The following CHL1 variants were observed in gnomAD, a reference collection of about 807,000 sequenced individuals.
CHL1 encodes neural cell adhesion molecule L1-like protein.
CHL1 carries 96 observed loss-of-function variants against 141.9 expected under a neutral mutation model. The observed-to-expected ratio is 0.68, with a 90% CI of 0.57 to 0.80. CHL1 has a LOEUF of 0.80. Ranked by LOEUF, CHL1 falls within the 30% of genes least tolerant of loss-of-function variation. The pLI, the probability that CHL1 is intolerant of heterozygous loss-of-function variation, is 0.00. For missense variants in CHL1, 1,820 were observed against 1,457.2 expected (o/e 1.25, Z -4.05); for synonymous variants, 613 against 502.2 (o/e 1.22, Z -2.95).
chr3:356,143 T>C (rs1215266696), intron 11 of CHL1, among the ~76,000 whole-genome samples: 1 of 152,110 alleles, frequency 6.6e-6, no homozygotes, highest in Non-Finnish European at 1.5e-5. Flanking sequence ...TTTCTCTTCA[T>C]CTCTTTAGGG....
intron 2 of CHL1, among the ~76,000 whole-genome samples, chr3:255,968 C>T (rs1694121003): frequency 6.6e-6 from 1 of 152,176 alleles, no homozygotes; most frequent in Non-Finnish European, 1.5e-5. Context: ...CTTACCTTGC[C>T]TACTTCCACA....
intron 23 of CHL1, 23 bp downstream of exon 23, chr3:391,820 G>A (rs201375090): frequency 6.4e-7 from 1 of 1,553,086 alleles, no homozygotes; most frequent in African/African-American, 1.4e-5. Flanking sequence ...TTGAATTGGA[G>A]TTAACTTGTT....
chr3:282,431 T>C (rs952648943), intron 2 of CHL1, among the ~76,000 whole-genome samples: 2 of 152,218 alleles, frequency 1.3e-5, no homozygotes, highest in African/African-American at 4.8e-5. Context: ...TTTCCTTTAC[T>C]AGTGTTCTTT....
intron 2 of CHL1, among the ~76,000 whole-genome samples, chr3:279,226 G>A (rs1696419929): frequency 6.6e-6 from 1 of 152,062 alleles, no homozygotes; most frequent in Non-Finnish European, 1.5e-5. Context: ...AAAGTTTTTT[G>A]ATCAAATGAT....
intron 10 of CHL1, among the ~76,000 whole-genome samples, chr3:351,023 C>A (rs1559295443): frequency 6.6e-6 from 1 of 152,092 alleles, no homozygotes; most frequent in Non-Finnish European, 1.5e-5. Flanking sequence ...ACCCACGAAC[C>A]AGACATATCT....
chr3:330,370 A>G (rs561533402), intron 5 of CHL1, among the ~76,000 whole-genome samples: 4 of 152,140 alleles, frequency 2.6e-5, no homozygotes, highest in Non-Finnish European at 5.9e-5. Context: ...TTAAAGACAT[A>G]TTAGAAAAAC....
chr3:201,528 G>C (rs1575590111), intron 1 of CHL1, among the ~76,000 whole-genome samples: 1 of 152,220 alleles, frequency 6.6e-6, no homozygotes, highest in East Asian at 1.9e-4. Context: ...GTGTGCGTGT[G>C]TGTGATGCTT....
In CHL1 at chr3:230,704, G is replaced by C. The variant is rs184675324; in HGVS notation, c.-174-13909G>C. Among the ~76,000 whole-genome samples, 17 of 151,872 alleles carry C rather than the reference G, an allele frequency of 1.1e-4. No homozygotes were observed. In the Middle Eastern group the frequency reaches 0.01, roughly 91 times the overall value. On this transcript the variant is annotated intron_variant, in intron 1 of 27. Transcript: ENST00000256509. The stretch of plus-strand genomic sequence containing the variant: ...AATGAACATGAATAGTTGTTTCAAG[G>C]GTTTAATTTAAAAATCATTTTTGTA...
At chr3:265,952 A>T (rs1695111812) in intron 2 of CHL1, among the ~76,000 whole-genome samples, 1 of 152,144 alleles carries the variant, frequency 6.6e-6, no homozygotes, top group South Asian at 2.1e-4. Flanking sequence ...CAGAGAAAGA[A>T]ATGGATGGTT....
At chr3:384,690 A>G (rs769506728) in intron 19 of CHL1, 1 of 152,226 alleles carries the variant, frequency 6.6e-6, no homozygotes, top group Non-Finnish European at 1.5e-5. Context: ...GGAAATTATC[A>G]TTCAACCATT....
At chr3:329,660 A>G (rs1383320224) in intron 5 of CHL1, among the ~76,000 whole-genome samples, 3 of 152,004 alleles carry the variant, frequency 2.0e-5, no homozygotes, top group Non-Finnish European at 4.4e-5. Flanking sequence ...GACAAAAGTA[A>G]ATAGAATAAA....
At position 409,374 on chromosome 3, in the gene CHL1, A is replaced by T. The variant is rs1709724127; in HGVS notation, c.*3663A>T. The T allele has an allele frequency of 6.6e-6, 1 of 152,078 alleles. No homozygotes were observed. The allele number at this position is 152,078 out of a possible 1,614,324, so 9.4% of individuals were successfully genotyped here. A position where few individuals can be genotyped will look rare whatever the true frequency, so the allele number is the denominator to read the frequency against. On this transcript the variant is annotated 3_prime_UTR_variant, in exon 28 of 28. Coordinates refer to ENST00000256509, the MANE Select transcript of CHL1 (RefSeq NM_006614.4). ...TGAAAATATTTTCATTATACATGAA[A>T]TTCAACTTTCCAAATAAAAGTTCTA...
At chr3:302,053 C>A (rs1418555442) in intron 2 of CHL1, among the ~76,000 whole-genome samples, 1 of 152,182 alleles carries the variant, frequency 6.6e-6, no homozygotes, top group South Asian at 2.1e-4. Flanking sequence ...CCAGCTTTAT[C>A]CATGTCCCTG....
At chr3:334,213 T>G (rs1701686014) in intron 5 of CHL1, among the ~76,000 whole-genome samples, 1 of 152,190 alleles carries the variant, frequency 6.6e-6, no homozygotes, top group Admixed American at 6.5e-5. Context: ...ATTTATTTAT[T>G]TATCTTAGAG....
intron 15 of CHL1, chr3:376,401 G>T (rs754746580): frequency 2.3e-5 from 12 of 517,110 alleles, no homozygotes; most frequent in Non-Finnish European, 3.1e-5. Context: ...ACTGAGGCTG[G>T]AACACGACAT....
chr3:275,576 T>G (rs79180872), intron 2 of CHL1, among the ~76,000 whole-genome samples: 2,301 of 152,332 alleles, frequency 0.015, 52 homozygotes, highest in African/African-American at 0.053. Flanking sequence ...TACTGCTTTG[T>G]TGCAGAGAAA....
At chr3:218,983 T>G (rs1292911830) in intron 1 of CHL1, among the ~76,000 whole-genome samples, 1 of 151,450 alleles carries the variant, frequency 6.6e-6, no homozygotes, top group Non-Finnish European at 1.5e-5. Flanking sequence ...CGTCAGTAAA[T>G]AAAAAATACA....
chr3:268,440 C>A (rs1397690462), intron 2 of CHL1, among the ~76,000 whole-genome samples: 3 of 152,082 alleles, frequency 2.0e-5, no homozygotes, highest in South Asian at 4.1e-4. Context: ...GAGGCCGAGG[C>A]AGCAGAATCA....
rs138308907 is a variant in CHL1, at chr3:353,284, T to A, written c.1034-1356T>A. On this transcript the variant is annotated intron_variant, in intron 10 of 27. Coordinates refer to ENST00000256509, the MANE Select transcript of CHL1 (RefSeq NM_006614.4). The stretch of plus-strand genomic sequence containing the variant: ...TTATAAATATGATATGCCATAATGT[T>A]CATGTTCATGGAATATTTTTCTCTA... Among the ~76,000 whole-genome samples the A allele has an allele frequency of 5.0e-3, 766 of 152,322 alleles. 6 individuals are homozygous for A. Among genetic ancestry groups the A allele is most frequent in the African/African-American group, 0.018 (741 of 41,580 alleles).
Sources: allele counts gnomAD v4.1 joint callset (sites outside exome capture counted in the v4.1 genomes callset), GRCh38; gene constraint gnomAD v4.1.1; transcripts MANE v1.5; gene names NCBI Gene and HGNC (gene_info 2026-07-23, HGNC 2026-07-21).